The following UBE4B variants were observed in gnomAD, a reference collection of about 807,000 sequenced individuals.
The protein encoded by UBE4B is ubiquitination factor E4B.
UBE4B carries 27 observed loss-of-function variants against 148.1 expected under a neutral mutation model. That is an observed-to-expected ratio of 0.18 (90% confidence interval 0.13 to 0.25). UBE4B has a LOEUF of 0.25. UBE4B is among the 10% of genes least tolerant of loss of function. The pLI, the probability that UBE4B is intolerant of heterozygous loss-of-function variation, is 1.00. For synonymous variants in UBE4B, 596 were observed against 619.3 expected, an observed-to-expected ratio of 0.96 and a Z score of 0.56; for missense variants, 1,170 against 1,662.4, an observed-to-expected ratio of 0.70 and a Z score of 5.15.
chr1:10,107,149 C>G, intron 7 of UBE4B: 1 of 1,260,662 alleles, frequency 7.9e-7, no homozygotes, highest in Non-Finnish European at 1.0e-6. Flanking sequence ...AAAAGGACAG[C>G]AGTTGCAAAA....
intron 7 of UBE4B, among the ~76,000 whole-genome samples, chr1:10,108,238 G>T (rs1363800975): frequency 7.0e-6 from 1 of 142,080 alleles, no homozygotes; most frequent in Non-Finnish European, 1.5e-5. Context: ...AGCTCAGTCT[G>T]GGCAATCCAT....
chr1:10,141,868 T>A (rs1645788000), intron 17 of UBE4B, among the ~76,000 whole-genome samples: 1 of 152,162 alleles, frequency 6.6e-6, no homozygotes, highest in African/African-American at 2.4e-5. Flanking sequence ...CCATTTGAAC[T>A]CTTTGGGTCC....
intron 8 of UBE4B, 146 bp downstream of exon 8, chr1:10,117,746 G>T: frequency 9.6e-7 from 1 of 1,046,444 alleles, no homozygotes; most frequent in Non-Finnish European, 1.3e-6. Context: ...TAGGAACTTA[G>T]GATGTGTCGA....
chr1:10,125,547 A>G (rs1412521020), intron 10 of UBE4B, among the ~76,000 whole-genome samples: 2 of 152,340 alleles, frequency 1.3e-5, no homozygotes, highest in Middle Eastern at 3.4e-3. Flanking sequence ...GTGCTCATGG[A>G]ATGAAATTAG....
At chr1:10,108,164 T>C (rs982734373) in intron 7 of UBE4B, among the ~76,000 whole-genome samples, 4 of 151,924 alleles carry the variant, frequency 2.6e-5, no homozygotes, top group Non-Finnish European at 5.9e-5. Flanking sequence ...TGTGTGTGTG[T>C]GTGCGTGCGT....
In UBE4B at chr1:10,106,407, G is replaced by A. The variant is rs762532676; in HGVS notation, c.1020G>A (p.Ala340=). Residue 340 remains alanine, a synonymous_variant, in exon 7 of 28, where the codon GCG becomes GCA. Coordinates refer to ENST00000343090, the MANE Select transcript of UBE4B (RefSeq NM_001105562.3). The surrounding 1 kb of genome is among the most constrained non-coding windows in gnomAD (Gnocchi z 4.2). ...CCTACACTGTCACTCACCCATGGGCGTCCTCAGGCGTCTCCATTCTGTCGA... is the reference window on the plus strand; with the variant it reads ...CCTACACTGTCACTCACCCATGGGCATCCTCAGGCGTCTCCATTCTGTCGA... The part of the protein sequence containing the change: ...YRPYTVTHPW[A]SSGVSILSSS... 4.1e-5 allele frequency: 66 copies of A among 1,613,058 alleles called. No individual in the cohort carries two copies. Among genetic ancestry groups the A allele is most frequent in the Non-Finnish European group, 4.8e-5 (57 of 1,179,468 alleles).
At chr1:10,154,269 CA>C (rs1646029979) in intron 21 of UBE4B, among the ~76,000 whole-genome samples, 1 of 150,850 alleles carries the variant, frequency 6.6e-6, no homozygotes, top group African/African-American at 2.4e-5. Context: ...CAAAACAAAA[CA>C]AAATTAGCCG....
chr1:10,152,092 A>G (rs1365645107), intron 21 of UBE4B, among the ~76,000 whole-genome samples: 3 of 151,466 alleles, frequency 2.0e-5, no homozygotes, highest in African/African-American at 7.3e-5. Flanking sequence ...CCCCATCTCT[A>G]CTAAAAATAG....
chr1:10,171,890 A>G (rs1052722801), intron 25 of UBE4B, among the ~76,000 whole-genome samples: 4 of 152,118 alleles, frequency 2.6e-5, no homozygotes, highest in Non-Finnish European at 5.9e-5. Flanking sequence ...CAAAATAAAT[A>G]AATAAGTAAG....
At position 10,115,232 on chromosome 1, in the gene UBE4B, C is replaced by T. The variant is rs188613065; in HGVS notation, c.1197-2227C>T. 3.7e-3 allele frequency among the ~76,000 whole-genome samples: 565 copies of T among 151,302 alleles called. 4 individuals carry two copies. Among genetic ancestry groups the T allele is most frequent in the East Asian group, 0.011 (55 of 5,146 alleles). On this transcript the variant is annotated intron_variant, in intron 7 of 27. Coordinates refer to ENST00000343090, the MANE Select transcript of UBE4B (RefSeq NM_001105562.3). ...AACTCCTGACCTCAAGTGATCTGCC[C>T]GCCTTGGCCTCCCAAAAGTGCTGGG...
At chr1:10,176,574 A>T (rs752083771) in intron 25 of UBE4B, among the ~76,000 whole-genome samples, 4 of 152,112 alleles carry the variant, frequency 2.6e-5, no homozygotes, top group Admixed American at 2.6e-4. Context: ...TGTTTCTTAA[A>T]TACTCATCCT....
intron 19 of UBE4B, 34 bp from the exon 20 acceptor site, chr1:10,149,150 A>T: frequency 1.4e-6 from 2 of 1,471,076 alleles, no homozygotes; most frequent in Non-Finnish European, 1.9e-6. Context: ...CCATAATTTC[A>T]TTTAATAAAT....
chr1:10,109,358 A>G (rs751817356), intron 7 of UBE4B, among the ~76,000 whole-genome samples: 1 of 152,012 alleles, frequency 6.6e-6, no homozygotes, highest in African/African-American at 2.4e-5. Context: ...CTTGTTCCTT[A>G]CTACTGTTTT....
intron 1 of UBE4B, among the ~76,000 whole-genome samples, chr1:10,043,787 A>C (rs1643863833): frequency 6.6e-6 from 1 of 152,182 alleles, no homozygotes; most frequent in Non-Finnish European, 1.5e-5. Flanking sequence ...GTTGTGACAT[A>C]GTTGTCATTT....
chr1:10,137,331 C>G, intron 17 of UBE4B, 126 bp downstream of exon 17: 1 of 1,190,194 alleles, frequency 8.4e-7, no homozygotes, highest in Non-Finnish European at 1.2e-6. Flanking sequence ...AGTGTTCTGT[C>G]TGCCTCCACC....
intron 2 of UBE4B, 72 bp downstream of exon 2, chr1:10,072,286 T>C: frequency 6.5e-7 from 1 of 1,538,664 alleles, no homozygotes; most frequent in Non-Finnish European, 8.8e-7. Context: ...ATGGTTGTGA[T>C]GTTTCCAGAA....
At chr1:10,179,223 G>A (rs1646471159) in intron 26 of UBE4B, 193 bp from the exon 27 acceptor site, 1 of 637,390 alleles carries the variant, frequency 1.6e-6, no homozygotes, top group South Asian at 2.5e-5. Context: ...TGACAAAGAA[G>A]CGCCTTCCCC....
At position 10,033,520 on chromosome 1, in the gene UBE4B, A is replaced by G. The variant is rs1379735818; in HGVS notation, c.-151A>G. On this transcript the variant is annotated 5_prime_UTR_variant, in exon 1 of 28. Coordinates refer to ENST00000343090, the MANE Select transcript of UBE4B (RefSeq NM_001105562.3). Reference sequence around the variant, plus strand: ...GCAGTTTAGTGCCTCTCGTGTTCTTATTTTTTAACCTCTGACTATGCAATT... The same window carrying G: ...GCAGTTTAGTGCCTCTCGTGTTCTTGTTTTTTAACCTCTGACTATGCAATT... The G allele has an allele frequency of 6.4e-6, 6 of 934,254 alleles. No homozygotes were observed. The highest frequency in any genetic ancestry group is 2.9e-5 in the South Asian group (1 of 34,426). The allele number at this position is 934,254 out of a possible 1,614,324, so 57.9% of individuals were successfully genotyped here.
Position 10,095,573 on chromosome 1 carries a change from C to T in UBE4B, c.324C>T (p.Ile108=), listed in dbSNP as rs766942302. 10 of 1,613,926 alleles carry T rather than the reference C, an allele frequency of 6.2e-6. No individual in the cohort carries two copies. In the South Asian group the frequency reaches 6.6e-5, roughly 11 times the overall value. Residue 108 remains isoleucine, a synonymous_variant, in exon 3 of 28, where the codon ATC becomes ATT. Transcript: ENST00000343090. Reference sequence around the variant, plus strand: ...TCTCACGTTCCCAGAGCATGGATATCGATGGTGTCTCATGTGAGAAAAGGT... The same window carrying T: ...TCTCACGTTCCCAGAGCATGGATATTGATGGTGTCTCATGTGAGAAAAGGT... ...QSLSRSQSMD[I]DGVSCEKSMS... is the part of the protein sequence containing the mutation.
Sources: allele counts gnomAD v4.1 joint callset (sites outside exome capture counted in the v4.1 genomes callset), GRCh38; gene constraint gnomAD v4.1.1; non-coding constraint Gnocchi (gnomAD v3.1); transcripts MANE v1.5; gene names NCBI Gene and HGNC (gene_info 2026-07-23, HGNC 2026-07-21).